CSTL1: variants seen among roughly 807,000 people sequenced by gnomAD.
CSTL1 encodes cystatin like 1.
Under a neutral mutation model 14.4 loss-of-function variants are expected in CSTL1, and 14 were observed. The ratio of observed to expected loss-of-function variants is 0.97; its 90% CI spans 0.64 to 1.52. The LOEUF (loss-of-function observed/expected upper bound fraction) is 1.52, where lower values mean the gene tolerates loss of function less well. Among genes scored for constraint, CSTL1 ranks in the 40% most tolerant of loss-of-function variants. The pLI is 0.00. For missense variants in CSTL1, 170 were observed against 168.7 expected (o/e 1.01, Z -0.04); for synonymous variants, 72 against 67.5 (o/e 1.07, Z -0.33).
At chr20:23,453,001 G>A in the CSTL1 span, 1 of 599,918 alleles carries the variant, frequency 1.7e-6, no homozygotes, top group Admixed American at 2.9e-5. Context: ...ACTGTGCAAT[G>A]GTTTTTGCAT....
chr20:23,458,111 C>CA, the CSTL1 span, among the ~76,000 whole-genome samples: 20 of 151,184 alleles, frequency 1.3e-4, no homozygotes, highest in East Asian at 3.9e-4. Context: ...GTTTATATTC[C>CA]AAAAAAAAAT....
At chr20:23,444,944 G>GGGA, downstream of CSTL1, 2 of 1,097,196 alleles carry the variant, frequency 1.8e-6, no homozygotes, top group South Asian at 2.5e-5. Context: ...CTCCCTCATT[G>GGGA]GGGTCTTATT....
chr20:23,447,486 G>A (rs1313636548), downstream of CSTL1, among the ~76,000 whole-genome samples: 3 of 127,252 alleles, frequency 2.4e-5, no homozygotes, highest in Non-Finnish European at 4.9e-5. Context: ...TTTTTTTTGT[G>A]AGACAGAGTT....
chr20:23,441,208 G>A (rs1363300928), intron 2 of CSTL1, among the ~76,000 whole-genome samples: 1 of 152,160 alleles, frequency 6.6e-6, no homozygotes, highest in East Asian at 1.9e-4. Context: ...TTTTTTCAAT[G>A]TGTAGGGTTG....
In CSTL1 at chr20:23,444,036, C is replaced by G; in HGVS notation, c.322C>G (p.Leu108Val). The G allele has an allele frequency of 6.2e-7, 1 of 1,613,198 alleles. No homozygotes were observed. Among genetic ancestry groups the G allele is most frequent in the Non-Finnish European group, 8.5e-7 (1 of 1,179,136 alleles). ...NSSCPLQSKK[L>V]RKSLICESLI... ...TTCCTGCCCCCTGCAAAGCAAGAAG[C>G]TGAGAAAGGTGTGTAGTGGAAGTCA... Residue 108 changes from leucine to valine, a missense_variant, in exon 3 of 4, where the codon CTG becomes GTG. By Grantham distance (32) the Leu-to-Val change is conservative. Coordinates refer to ENST00000347397, the MANE Select transcript of CSTL1 (RefSeq NM_138283.1).
the CSTL1 span, among the ~76,000 whole-genome samples, chr20:23,451,049 ATC>A: frequency 2.0e-5 from 3 of 151,864 alleles, no homozygotes; most frequent in Non-Finnish European, 2.9e-5. Flanking sequence ...CCATTTACCC[ATC>A]TGTCGACCCA....
In CSTL1 at chr20:23,444,750, GT is replaced by G. The variant is rs765373280; in HGVS notation, c.331-17del. On this transcript the variant is annotated intron_variant, in intron 3 of 3. Transcript: ENST00000347397. Reference sequence around the variant, plus strand: ...TTGAAAAATACTTCCCCCAAAGTCTGTTTTCTTTCTTCTTCTACAGAGTTTA... The same window carrying G: ...TTGAAAAATACTTCCCCCAAAGTCTGTTTCTTTCTTCTTCTACAGAGTTTA... 6 of 1,543,726 alleles carry G rather than the reference GT, an allele frequency of 3.9e-6. No homozygotes were observed. The Admixed American group carries it at 5.0e-5, about 13-fold the overall frequency.
At chr20:23,444,161 G>T in intron 3 of CSTL1, 117 bp downstream of exon 3, 1 of 835,938 alleles carries the variant, frequency 1.2e-6, no homozygotes. Flanking sequence ...GCCCAGCCCT[G>T]GGGCTGTCTG....
At position 23,443,949 on chromosome 20, in the gene CSTL1, G is replaced by T; in HGVS notation, c.235G>T (p.Glu79Ter). The change falls in exon 3 of 4, where the codon GAG becomes TAG. Residue 79 changes from glutamate to a stop codon, truncating the protein, a stop_gained. Coordinates refer to ENST00000347397, the MANE Select transcript of CSTL1 (RefSeq NM_138283.1). LOFTEE classifies it high-confidence loss of function. ...TTCTCGGCAGCTGACGACGGGAGTG[G>T]AGTATATAGTCACTGTGAAGATTGG... Reference protein sequence around the residue: ...RSQMQLTTGVEYIVTVKIGWT... With the variant: ...RSQMQLTTGV 6.2e-7 allele frequency: 1 copy of T among 1,613,918 alleles called. No individual in the cohort carries two copies. The highest frequency in any genetic ancestry group is 1.3e-5 in the African/African-American group (1 of 75,048).
At chr20:23,443,008 C>T (rs998170511) in intron 2 of CSTL1, among the ~76,000 whole-genome samples, 1 of 152,202 alleles carries the variant, frequency 6.6e-6, no homozygotes, top group Non-Finnish European at 1.5e-5. Flanking sequence ...GCTTCATGGC[C>T]TCACACTTGA....
At chr20:23,440,018 C>A in intron 1 of CSTL1, 126 bp from the exon 2 acceptor site, 1 of 515,864 alleles carries the variant, frequency 1.9e-6, no homozygotes, top group Non-Finnish European at 3.5e-6. Flanking sequence ...CACGCCTTAG[C>A]AGGTGTTTAA....
chr20:23,452,652 GGTCGGTGATCCACTGCAAGCT>G, the CSTL1 span: 2 of 1,613,918 alleles, frequency 1.2e-6, no homozygotes, highest in African/African-American at 2.7e-5. Flanking sequence ...TTGTTATACT[GGTCGGTGATCCACTGCAAGCT>G]GTCCTTCGCA....
the CSTL1 span, among the ~76,000 whole-genome samples, chr20:23,453,221 G>A: frequency 6.6e-6 from 1 of 151,664 alleles, no homozygotes; most frequent in Non-Finnish European, 1.5e-5. Context: ...AGTGGGGGGT[G>A]GGCACTGTGG....
the CSTL1 span, among the ~76,000 whole-genome samples, chr20:23,455,356 AT>A: frequency 1.3e-5 from 2 of 152,230 alleles, no homozygotes; most frequent in Non-Finnish European, 2.9e-5. Context: ...AGTGCTTAAT[AT>A]GTAGTGGGAT....
At position 23,444,907 on chromosome 20, in the gene CSTL1, C is replaced by A. The variant is rs1472560155; in HGVS notation, c.*29C>A. The A allele has an allele frequency of 1.4e-6, 2 of 1,436,722 alleles. No individual in the cohort carries two copies. Among genetic ancestry groups the A allele is most frequent in the Non-Finnish European group, 2.0e-6 (2 of 1,018,218 alleles). The allele number at this position is 1,436,722 out of a possible 1,614,324, so 89.0% of individuals were successfully genotyped here. A position where few individuals can be genotyped will look rare whatever the true frequency, so the allele number is the denominator to read the frequency against. On this transcript the variant is annotated 3_prime_UTR_variant, in exon 4 of 4. Transcript: ENST00000347397. ...CTCATATGATTGAGTTGTGCACTGG[C>A]TGTTATTAAACTGTAAAGGATCATG...
At chr20:23,446,212 C>T (rs562895576), downstream of CSTL1, among the ~76,000 whole-genome samples, 85 of 151,964 alleles carry the variant, frequency 5.6e-4, no homozygotes, top group Non-Finnish European at 1.0e-3. Flanking sequence ...TCCAAGTTCT[C>T]AAACTCCATC....
At chr20:23,443,871 C>T (rs1288073527) in intron 2 of CSTL1, 63 bp from the exon 3 acceptor site, 9 of 1,244,630 alleles carry the variant, frequency 7.2e-6, no homozygotes, top group Non-Finnish European at 1.1e-5. Context: ...CTAGCTTCTC[C>T]AGGAGAGGGT....
the CSTL1 span, among the ~76,000 whole-genome samples, chr20:23,455,412 A>T: frequency 1.3e-5 from 2 of 152,100 alleles, no homozygotes; most frequent in Admixed American, 1.3e-4. Flanking sequence ...TTTGTTTTTT[A>T]TTGTCTGATT....
At chr20:23,445,180 GT>G (rs1986941390), downstream of CSTL1, among the ~76,000 whole-genome samples, 1 of 151,394 alleles carries the variant, frequency 6.6e-6, no homozygotes, top group African/African-American at 2.4e-5. Flanking sequence ...CACACATTCA[GT>G]GGTCTTCAGG....
Sources: gnomAD v4.1 joint callset for allele counts (sites outside exome capture counted in the v4.1 genomes callset) on GRCh38, gnomAD v4.1.1 for gene constraint, MANE v1.5 for transcripts, NCBI Gene and HGNC (gene_info 2026-07-23, HGNC 2026-07-21) for gene names.